ALG14: variants seen among roughly 807,000 people sequenced by gnomAD.
The protein encoded by ALG14 is ALG14 UDP-N-acetylglucosaminyltransferase subunit, also known as UDP-N-acetylglucosamine transferase subunit ALG14.
ALG14 carries 17 observed loss-of-function variants against 22.8 expected under a neutral mutation model. The ratio of observed to expected loss-of-function variants is 0.75; its 90% CI spans 0.51 to 1.12. The LOEUF (loss-of-function observed/expected upper bound fraction) is 1.12. Ranked by LOEUF, ALG14 falls within the 50% of genes most tolerant of loss-of-function variation. The probability of loss-of-function intolerance (pLI) is 0.00; values close to 1 mark genes in which losing one functional copy is unlikely to be tolerated. For synonymous variants in ALG14, 89 were observed against 103.7 expected (o/e 0.86, Z 0.86); for missense variants, 288 against 271.8 (o/e 1.06, Z -0.42).
rs199761918 is a variant in ALG14 at position 95,053,272 on chromosome 1, AT to A, written c.288+11593del. 5.3e-5 allele frequency among the ~76,000 whole-genome samples: 8 copies of A among 151,876 alleles called. No individual in the cohort carries two copies. In the East Asian group the frequency reaches 5.8e-4, roughly 11 times the overall value. On this transcript the variant is annotated intron_variant, in intron 2 of 3. Transcript: ENST00000370205. Reference sequence around the variant, plus strand: ...TCTATGTTAATGTTAGATAAAATAGATTTTTTTTTAAAAAAAGCATTATTAG... The same window carrying A: ...TCTATGTTAATGTTAGATAAAATAGATTTTTTTTAAAAAAAGCATTATTAG...
In ALG14 at chr1:94,980,814, T is replaced by G. The variant is rs947330688; in HGVS notation, c.*2262A>C. On this transcript the variant is annotated 3_prime_UTR_variant, in exon 4 of 4. Coordinates refer to ENST00000370205, the MANE Select transcript of ALG14 (RefSeq NM_144988.4). ...AGATATAACATTTCTAAACTTTTGG[T>G]GATATAACACATACACATTCTTTCT... 1 of 152,240 alleles carries G rather than the reference T, an allele frequency of 6.6e-6. No homozygotes were observed. The highest frequency in any genetic ancestry group is 2.4e-5 in the African/African-American group (1 of 41,460). The allele number at this position is 152,240 out of a possible 1,614,324, so 9.4% of individuals were successfully genotyped here.
intron 1 of ALG14, among the ~76,000 whole-genome samples, chr1:95,067,956 G>A (rs1046352024): frequency 6.6e-6 from 1 of 152,206 alleles, no homozygotes; most frequent in Non-Finnish European, 1.5e-5. Context: ...GCTGTTGGCT[G>A]TCATCTCCCC....
intron 3 of ALG14, among the ~76,000 whole-genome samples, chr1:95,025,241 A>G (rs1673778425): frequency 6.6e-6 from 1 of 152,224 alleles, no homozygotes; most frequent in South Asian, 2.1e-4. Context: ...CCAGCCCAAT[A>G]TATCAAGAGC....
rs1456938481 is a variant in ALG14, at chr1:94,975,286, CT to C, written c.*7789del. ...TGGCTGGCTTCTGTAACTTAGCCTACTGTTTACAAGGTTCATCCACACTGTA... is the reference window on the plus strand; with the variant it reads ...TGGCTGGCTTCTGTAACTTAGCCTACGTTTACAAGGTTCATCCACACTGTA... On this transcript the variant is annotated 3_prime_UTR_variant, in exon 4 of 4. Transcript: ENST00000370205. 1 of 152,234 alleles carries C rather than the reference CT, an allele frequency of 6.6e-6. No individual in the cohort carries two copies. Among genetic ancestry groups the C allele is most frequent in the Non-Finnish European group, 1.5e-5 (1 of 68,054 alleles). 9.4% of individuals were successfully genotyped at this position (152,234 alleles called of 1,614,324 possible).
intron 3 of ALG14, among the ~76,000 whole-genome samples, chr1:95,003,985 T>A (rs1222175093): frequency 6.6e-6 from 1 of 152,180 alleles, no homozygotes; most frequent in Non-Finnish European, 1.5e-5. Flanking sequence ...CTATGAGGTG[T>A]TGGATAGATA....
intron 1 of ALG14, among the ~76,000 whole-genome samples, chr1:95,065,399 G>GA (rs1402332065): frequency 6.6e-6 from 1 of 152,112 alleles, no homozygotes; most frequent in Non-Finnish European, 1.5e-5. Flanking sequence ...AAATGGTTAT[G>GA]AAAAATCAAT....
intron 3 of ALG14, among the ~76,000 whole-genome samples, chr1:95,025,784 A>G (rs1460486224): frequency 2.6e-5 from 4 of 152,186 alleles, no homozygotes; most frequent in Non-Finnish European, 4.4e-5. Context: ...TCTTTACAGA[A>G]TTAAAGAGAA....
intron 3 of ALG14, among the ~76,000 whole-genome samples, chr1:94,993,805 T>C (rs1326831588): frequency 6.6e-6 from 1 of 152,194 alleles, no homozygotes; most frequent in African/African-American, 2.4e-5. Context: ...AGTGCAGACA[T>C]CCAGACATCA....
At chr1:95,006,707 G>T (rs188007030) in intron 3 of ALG14, among the ~76,000 whole-genome samples, 6 of 152,190 alleles carry the variant, frequency 3.9e-5, no homozygotes, top group Non-Finnish European at 8.8e-5. Context: ...TGCTTTACCC[G>T]TATCTTCCCG....
chr1:94,987,702 G>C (rs1470403083), intron 3 of ALG14, among the ~76,000 whole-genome samples: 1 of 152,194 alleles, frequency 6.6e-6, no homozygotes, highest in Non-Finnish European at 1.5e-5. Flanking sequence ...GCATAGAAAA[G>C]ATGTATTTAA....
At chr1:95,051,233 T>A (rs374643665) in intron 2 of ALG14, among the ~76,000 whole-genome samples, 1 of 118 alleles carries the variant, frequency 8.5e-3, no homozygotes, top group Non-Finnish European at 0.12. Context: ...CTTCTCTGTG[T>A]TAAGTGGCAA....
At chr1:95,041,322 C>T (rs1257747283) in intron 2 of ALG14, among the ~76,000 whole-genome samples, 1 of 152,146 alleles carries the variant, frequency 6.6e-6, no homozygotes, top group Non-Finnish European at 1.5e-5. Flanking sequence ...ATATACATTA[C>T]AGTTGACAAA....
chr1:95,002,255 A>G (rs1217363141), intron 3 of ALG14, among the ~76,000 whole-genome samples: 1 of 151,934 alleles, frequency 6.6e-6, no homozygotes, highest in Non-Finnish European at 1.5e-5. Context: ...GGGGGGGGGA[A>G]CCTGGAAGGT....
intron 2 of ALG14, among the ~76,000 whole-genome samples, chr1:95,059,419 AAC>A (rs1491148300): frequency 8.7e-5 from 13 of 149,430 alleles, no homozygotes; most frequent in African/African-American, 2.9e-4. Context: ...AAAAAAAAAA[AAC>A]ATATTATTCT....
chr1:95,042,077 C>A (rs1416375275), intron 2 of ALG14, among the ~76,000 whole-genome samples: 1 of 152,094 alleles, frequency 6.6e-6, no homozygotes, highest in African/African-American at 2.4e-5. Context: ...TAGGTTTTTA[C>A]TCCCACTGGG....
chr1:95,036,047 T>A lies in ALG14; in HGVS notation c.289-8787A>T, dbSNP rs188830300. On this transcript the variant is annotated intron_variant, in intron 2 of 3. Transcript: ENST00000370205. ...AAGATGACCATAATTTACCACAAAA[T>A]TTTTTTTTATATGTCCTTCAAGTAC... 3.0e-3 allele frequency among the ~76,000 whole-genome samples: 461 copies of A among 151,994 alleles called. 1 individual carries two copies. Among genetic ancestry groups the A allele is most frequent in the African/African-American group, 0.011 (443 of 41,448 alleles).
chr1:94,977,156 T>C lies in ALG14; in HGVS notation c.*5920A>G, dbSNP rs1020728330. 6.6e-6 allele frequency: 1 copy of C among 152,190 alleles called. No individual in the cohort carries two copies. Among genetic ancestry groups the C allele is most frequent in the East Asian group, 1.9e-4 (1 of 5,198 alleles). 9.4% of individuals were successfully genotyped at this position (152,190 alleles called of 1,614,324 possible). A position where few individuals can be genotyped will look rare whatever the true frequency, so the allele number is the denominator to read the frequency against. ...TGTGTGGCAATTTTTTACACAGCGA[T>C]AAAACTAATACACAGATCACTGACT... On this transcript the variant is annotated 3_prime_UTR_variant, in exon 4 of 4. Coordinates refer to ENST00000370205, the MANE Select transcript of ALG14 (RefSeq NM_144988.4).
intron 2 of ALG14, among the ~76,000 whole-genome samples, chr1:95,058,947 G>T (rs6671842): frequency 0.24 from 36,118 of 151,222 alleles, 4,843 homozygotes; most frequent in African/African-American, 0.35. Flanking sequence ...TTGCCTTATT[G>T]CCTGGAGAAT....
chr1:95,058,346 G>T (rs577554478), intron 2 of ALG14, among the ~76,000 whole-genome samples: 1 of 149,582 alleles, frequency 6.7e-6, no homozygotes, highest in Admixed American at 6.7e-5. Flanking sequence ...GGGCGTAGTG[G>T]CTCATGCTTG....
Sources: allele counts gnomAD v4.1 joint callset (sites outside exome capture counted in the v4.1 genomes callset), GRCh38; gene constraint gnomAD v4.1.1; transcripts MANE v1.5; gene names NCBI Gene and HGNC (gene_info 2026-07-23, HGNC 2026-07-21).